The following LYPD6B variants were observed in gnomAD, a reference collection of about 807,000 sequenced individuals.
The protein encoded by LYPD6B is ly6/PLAUR domain-containing protein 6B.
LYPD6B carries 17 observed loss-of-function variants against 22.8 expected under a neutral mutation model. The ratio of observed to expected loss-of-function variants is 0.75; its 90% CI spans 0.51 to 1.12. The LOEUF (loss-of-function observed/expected upper bound fraction) is 1.12, where lower values mean the gene tolerates loss of function less well. Among genes scored for constraint, LYPD6B ranks in the 50% most tolerant of loss-of-function variants. The pLI, the probability that LYPD6B is intolerant of heterozygous loss-of-function variation, is 0.00. For missense variants in LYPD6B, 221 were observed against 258.3 expected, an observed-to-expected ratio of 0.86 and a Z score of 0.99; for synonymous variants, 106 against 91.6, an observed-to-expected ratio of 1.16 and a Z score of -0.90.
intron 1 of LYPD6B, among the ~76,000 whole-genome samples, chr2:149,045,055 A>C (rs1469119631): frequency 6.6e-6 from 1 of 151,988 alleles, no homozygotes; most frequent in Non-Finnish European, 1.5e-5. Context: ...TTGGTCCTAG[A>C]GTTTTCTTTG....
At chr2:149,169,382 GT>G (rs755169720) in intron 3 of LYPD6B, among the ~76,000 whole-genome samples, 54 of 152,310 alleles carry the variant, frequency 3.5e-4, no homozygotes, top group Non-Finnish European at 7.2e-4. Flanking sequence ...AGGAGGAAGT[GT>G]TACTCTGGTA....
chr2:149,176,336 G>A (rs1691305457), intron 3 of LYPD6B, among the ~76,000 whole-genome samples: 1 of 152,188 alleles, frequency 6.6e-6, no homozygotes, highest in Non-Finnish European at 1.5e-5. Flanking sequence ...AATAAAGATG[G>A]AGTTTTATAA....
intron 1 of LYPD6B, among the ~76,000 whole-genome samples, chr2:149,052,595 A>G (rs1240355711): frequency 6.6e-6 from 1 of 152,002 alleles, no homozygotes; most frequent in Non-Finnish European, 1.5e-5. Flanking sequence ...GTCTGGGGCT[A>G]CTCCCTATTC....
intron 1 of LYPD6B, among the ~76,000 whole-genome samples, chr2:149,111,224 G>C (rs1686743915): frequency 6.6e-6 from 1 of 152,126 alleles, no homozygotes; most frequent in East Asian, 1.9e-4. Context: ...TTAAAAGGGG[G>C]ATGGAAACCA....
At chr2:149,108,653 T>G (rs1686614358) in intron 1 of LYPD6B, among the ~76,000 whole-genome samples, 1 of 152,214 alleles carries the variant, frequency 6.6e-6, no homozygotes, top group African/African-American at 2.4e-5. Context: ...AGCTGACAAC[T>G]TTTGACTTTC....
At chr2:149,198,074 G>A (rs897714199) in intron 3 of LYPD6B, among the ~76,000 whole-genome samples, 5 of 147,798 alleles carry the variant, frequency 3.4e-5, no homozygotes, top group East Asian at 4.0e-4. Flanking sequence ...ACAGAGTCTC[G>A]CTCTGTCACC....
intron 3 of LYPD6B, among the ~76,000 whole-genome samples, chr2:149,204,158 C>T (rs1693352721): frequency 6.6e-6 from 1 of 152,140 alleles, no homozygotes; most frequent in Non-Finnish European, 1.5e-5. Context: ...CCTTTCTGAA[C>T]CCACATTTGA....
intron 1 of LYPD6B, among the ~76,000 whole-genome samples, chr2:149,105,368 G>T (rs1213628274): frequency 6.6e-6 from 1 of 152,068 alleles, no homozygotes; most frequent in Non-Finnish European, 1.5e-5. Context: ...CTGGGATTTT[G>T]ATTGTATGGT....
intron 3 of LYPD6B, among the ~76,000 whole-genome samples, chr2:149,181,133 A>G (rs972996508): frequency 1.3e-5 from 2 of 152,048 alleles, no homozygotes; most frequent in Admixed American, 6.6e-5. Context: ...ACCCCTCTCA[A>G]TTCCCCTTCA....
chr2:149,120,784 C>CTGTTTTT (rs1687297990), intron 1 of LYPD6B, among the ~76,000 whole-genome samples: 1 of 95,554 alleles, frequency 1.0e-5, no homozygotes, highest in Non-Finnish European at 1.9e-5. Context: ...GCTACAAAGT[C>CTGTTTTT]TTTTTTTTTT....
intron 3 of LYPD6B, among the ~76,000 whole-genome samples, chr2:149,181,294 A>G (rs370239368): frequency 3.3e-5 from 5 of 152,292 alleles, no homozygotes; most frequent in African/African-American, 1.2e-4. Context: ...GGCGTATCTT[A>G]TAGGTTTTAA....
At chr2:149,040,106 G>C (rs1411266409) in intron 1 of LYPD6B, among the ~76,000 whole-genome samples, 2 of 152,072 alleles carry the variant, frequency 1.3e-5, no homozygotes, top group Non-Finnish European at 2.9e-5. Context: ...AATAGGACTT[G>C]CACCTTCAGG....
At chr2:149,161,358 G>A (rs1690055495) in intron 3 of LYPD6B, 1 of 157,784 alleles carries the variant, frequency 6.3e-6, no homozygotes, top group Admixed American at 6.2e-5. Context: ...ACAAAGAAGA[G>A]AGACAGCATA....
intron 1 of LYPD6B, among the ~76,000 whole-genome samples, chr2:149,059,943 A>G (rs1308642762): frequency 6.6e-6 from 1 of 151,390 alleles, no homozygotes; most frequent in East Asian, 2.0e-4. Flanking sequence ...GCTGGTGCAA[A>G]GGTGTGAGGG....
intron 3 of LYPD6B, among the ~76,000 whole-genome samples, chr2:149,191,844 A>G (rs1692516052): frequency 1.3e-5 from 2 of 152,218 alleles, no homozygotes; most frequent in African/African-American, 4.8e-5. Flanking sequence ...ATCCTAATAT[A>G]CCATGAGAAA....
At chr2:149,168,110 T>C (rs1690552949) in intron 3 of LYPD6B, among the ~76,000 whole-genome samples, 1 of 147,210 alleles carries the variant, frequency 6.8e-6, no homozygotes, top group African/African-American at 2.5e-5. Context: ...CTCAGGAGGC[T>C]GAGGCAGGAG....
intron 1 of LYPD6B, among the ~76,000 whole-genome samples, chr2:149,093,223 A>G (rs962636840): frequency 3.3e-5 from 5 of 151,916 alleles, no homozygotes; most frequent in African/African-American, 1.2e-4. Context: ...ATTTTTGGCA[A>G]CGATCAAAGG....
chr2:149,054,933 T>C (rs1010445008), intron 1 of LYPD6B, among the ~76,000 whole-genome samples: 1 of 152,110 alleles, frequency 6.6e-6, no homozygotes, highest in Non-Finnish European at 1.5e-5. Context: ...ATTTTTTTTC[T>C]TTTTTTCGCT....
Position 149,187,640 on chromosome 2 carries a change from G to A in LYPD6B, c.78-17613G>A, listed in dbSNP as rs73963740. 341 of 949,148 alleles carry A rather than the reference G, an allele frequency of 3.6e-4. 2 individuals carry two copies. In the African/African-American group the frequency reaches 5.6e-3, roughly 16 times the overall value. The allele number at this position is 949,148 out of a possible 1,614,324, so 58.8% of individuals were successfully genotyped here. On this transcript the variant is annotated intron_variant, in intron 3 of 6. Coordinates refer to ENST00000409642, the MANE Select transcript of LYPD6B (RefSeq NM_177964.5). Reference sequence around the variant, plus strand: ...TAAACGTATTTAGTAACTTAAGCAGGCTTGTCCAATCTTTTGGATTCTGTG... The same window carrying A: ...TAAACGTATTTAGTAACTTAAGCAGACTTGTCCAATCTTTTGGATTCTGTG...
Sources: gnomAD v4.1 joint callset for allele counts (sites outside exome capture counted in the v4.1 genomes callset) on GRCh38, gnomAD v4.1.1 for gene constraint, MANE v1.5 for transcripts, NCBI Gene and HGNC (gene_info 2026-07-23, HGNC 2026-07-21) for gene names.